Variants in DEPDC5 observed in about 807,000 individuals in gnomAD.
DEPDC5 encodes the protein DEP domain containing 5, GATOR1 subcomplex subunit, also known as GATOR1 complex protein DEPDC5.
A neutral mutation model predicts 217.3 loss-of-function variants in DEPDC5; 73 were observed. The observed-to-expected ratio is 0.34, with a 90% CI of 0.28 to 0.41. The LOEUF is 0.41. Among genes scored for constraint, DEPDC5 ranks in the 10% least tolerant of loss-of-function variants. DEPDC5 has a pLI of 1.00. For missense variants in DEPDC5, 1,675 were observed against 2,070.1 expected, an observed-to-expected ratio of 0.81 and a Z score of 3.70; for synonymous variants, 733 against 756.7, an observed-to-expected ratio of 0.97 and a Z score of 0.51.
chr22:31,764,573 G>A (rs1468509244), intron 4 of DEPDC5, among the ~76,000 whole-genome samples: 2 of 151,892 alleles, frequency 1.3e-5, no homozygotes, highest in Non-Finnish European at 2.9e-5. Flanking sequence ...CCACCATCAT[G>A]CCTGGCTAAT....
At chr22:31,895,143 CA>C (rs56247667) in intron 39 of DEPDC5, among the ~76,000 whole-genome samples, 7,928 of 57,606 alleles carry the variant, frequency 0.14, 129 homozygotes, top group Non-Finnish European at 0.17. Flanking sequence ...GAATCCGTCT[CA>C]AAAAAAAAAA....
chr22:31,868,337 A>G (rs2092744202), intron 33 of DEPDC5, among the ~76,000 whole-genome samples: 1 of 152,164 alleles, frequency 6.6e-6, no homozygotes, highest in Admixed American at 6.5e-5. Flanking sequence ...ACATCCAGCA[A>G]TGCACAGGAC....
intron 31 of DEPDC5, among the ~76,000 whole-genome samples, chr22:31,856,798 TTTG>T (rs980625950): frequency 2.6e-5 from 4 of 152,046 alleles, no homozygotes; most frequent in East Asian, 1.9e-4. Flanking sequence ...TGTTTGTTTG[TTTG>T]TTTTGTCGCA....
chr22:31,808,285 GTCTC>G (rs1178237765), intron 18 of DEPDC5, among the ~76,000 whole-genome samples: 1 of 146,674 alleles, frequency 6.8e-6, no homozygotes, highest in Non-Finnish European at 1.5e-5. Context: ...TTGAGATGGA[GTCTC>G]TCTCTCTGTG....
chr22:31,842,575 CAAAA>C (rs56671305), intron 27 of DEPDC5, among the ~76,000 whole-genome samples: 3 of 73,502 alleles, frequency 4.1e-5, no homozygotes, highest in Admixed American at 1.5e-4. Flanking sequence ...AACTCCATCT[CAAAA>C]AAAAAAAAAA....
intron 38 of DEPDC5, chr22:31,890,237 CAT>C (rs1835272616): frequency 6.6e-6 from 1 of 152,166 alleles, no homozygotes; most frequent in African/African-American, 2.4e-5. Context: ...CTCTCTGAGA[CAT>C]ATGGTTACTA....
intron 7 of DEPDC5, among the ~76,000 whole-genome samples, chr22:31,777,601 A>G (rs981331304): frequency 6.6e-6 from 1 of 151,926 alleles, no homozygotes; most frequent in Admixed American, 6.6e-5. Flanking sequence ...TCCCAGATTA[A>G]GAGCCCCTGT....
chr22:31,772,880 C>T (rs953940035), intron 7 of DEPDC5, among the ~76,000 whole-genome samples: 2 of 152,034 alleles, frequency 1.3e-5, no homozygotes, highest in East Asian at 3.8e-4. Context: ...CTCCTGGTTT[C>T]AAGTGATTCT....
chr22:31,847,537 C>G (rs142954047), intron 31 of DEPDC5, among the ~76,000 whole-genome samples: 1 of 152,190 alleles, frequency 6.6e-6, no homozygotes, highest in Non-Finnish European at 1.5e-5. Flanking sequence ...TCCTTCTTCA[C>G]ATGGCAGCAG....
intron 34 of DEPDC5, among the ~76,000 whole-genome samples, chr22:31,872,343 AT>A (rs2092869273): frequency 6.6e-6 from 1 of 152,136 alleles, no homozygotes; most frequent in African/African-American, 2.4e-5. Flanking sequence ...GGTGTTAATT[AT>A]TTTAGTATTG....
In DEPDC5 at chr22:31,893,655, G is replaced by A. The variant is rs587776975; in HGVS notation, c.4107G>A (p.Trp1369Ter). The A allele has an allele frequency of 6.2e-7, 1 of 1,614,010 alleles. No homozygotes were observed. The highest frequency in any genetic ancestry group is 8.5e-7 in the Non-Finnish European group (1 of 1,179,986). The change falls in exon 39 of 43, where the codon TGG becomes TGA. Residue 1369 changes from tryptophan (W) to a stop codon, truncating the protein, a stop_gained. Transcript: ENST00000651528. LOFTEE classifies it high-confidence loss of function. ...ACAACCGCACAGACCGGCTGGAGTGGTGCAGCTGTTATTACCATGGCAACT... is the reference window on the plus strand; with the variant it reads ...ACAACCGCACAGACCGGCTGGAGTGATGCAGCTGTTATTACCATGGCAACT... The part of the protein sequence containing the change: ...DVNNRTDRLE[W>*]CSCYYHGNFS...
At chr22:31,815,279 G>A in intron 21 of DEPDC5, 67 bp downstream of exon 21, 1 of 1,565,842 alleles carries the variant, frequency 6.4e-7, no homozygotes, top group South Asian at 1.1e-5. Context: ...ACTGGAGGTG[G>A]GAGGATTGGT....
At chr22:31,814,212 T>C (rs1461219760) in intron 20 of DEPDC5, 4 of 152,208 alleles carry the variant, frequency 2.6e-5, no homozygotes, top group African/African-American at 9.6e-5. Context: ...GTAAGTTTCT[T>C]TCTTTTTTTA....
chr22:31,794,117 T>C (rs1307584435), intron 12 of DEPDC5, among the ~76,000 whole-genome samples: 1 of 152,218 alleles, frequency 6.6e-6, no homozygotes, highest in Non-Finnish European at 1.5e-5. Flanking sequence ...ACAGTCAATC[T>C]AGTTCAGAGT....
rs1064795095 is a variant in DEPDC5, at chr22:31,893,645, G to T, written c.4097G>T (p.Arg1366Leu). Residue 1366 changes from arginine to leucine, a missense_variant, in exon 39 of 43, where the codon CGG becomes CTG. Arg to Leu is a moderately radical substitution (Grantham distance 102). Transcript: ENST00000651528. Reference protein sequence around the residue: ...LDVDVNNRTDRLEWCSCYYHG... With the variant: ...LDVDVNNRTDLLEWCSCYYHG... ...GTTGACGTGAACAACCGCACAGACC[G>T]GCTGGAGTGGTGCAGCTGTTATTAC... The T allele has an allele frequency of 1.9e-6, 3 of 1,613,898 alleles. No individual in the cohort carries two copies. The highest frequency in any genetic ancestry group is 2.5e-6 in the Non-Finnish European group (3 of 1,179,920).
At chr22:31,759,942 C>G (rs1026756589) in intron 3 of DEPDC5, among the ~76,000 whole-genome samples, 24 of 152,056 alleles carry the variant, frequency 1.6e-4, no homozygotes, top group Non-Finnish European at 3.1e-4. Context: ...CTTGGCCTCC[C>G]AAAGTGTTGG....
At chr22:31,804,988 G>T in intron 17 of DEPDC5, 73 bp downstream of exon 17, 1 of 1,420,954 alleles carries the variant, frequency 7.0e-7, no homozygotes, top group Non-Finnish European at 9.8e-7. Flanking sequence ...CTTTAAATCT[G>T]TTAAGTTCTT....
chr22:31,897,703 C>G (rs1323193667), intron 40 of DEPDC5, 50 bp downstream of exon 40: 1 of 1,593,536 alleles, frequency 6.3e-7, no homozygotes, highest in East Asian at 2.2e-5. Context: ...AGACCCCGTC[C>G]CTAACAAGGA....
chr22:31,795,753 G>A (rs572725096), intron 12 of DEPDC5, among the ~76,000 whole-genome samples: 3 of 144,682 alleles, frequency 2.1e-5, no homozygotes, highest in South Asian at 4.3e-4. Flanking sequence ...TTTTTGAGTC[G>A]GAGTTTCGCT....
Sources: gnomAD v4.1 joint callset for allele counts (sites outside exome capture counted in the v4.1 genomes callset) on GRCh38, gnomAD v4.1.1 for gene constraint, MANE v1.5 for transcripts, NCBI Gene and HGNC (gene_info 2026-07-23, HGNC 2026-07-21) for gene names.